ERI3: variants seen among roughly 807,000 people sequenced by gnomAD.
ERI3 encodes the protein ERI1 exoribonuclease 3.
A neutral mutation model predicts 44.4 loss-of-function variants in ERI3; 18 were observed. That is an observed-to-expected ratio of 0.41 (90% confidence interval 0.28 to 0.60). ERI3 has a LOEUF of 0.60. ERI3 is among the 20% of genes least tolerant of loss of function. The pLI is 0.36. For synonymous variants in ERI3, 183 were observed against 164.8 expected, an observed-to-expected ratio of 1.11 and a Z score of -0.84; for missense variants, 294 against 435.5, an observed-to-expected ratio of 0.68 and a Z score of 2.89.
chr1:44,309,096 C>T (rs1044041343), intron 5 of ERI3, among the ~76,000 whole-genome samples: 4 of 152,212 alleles, frequency 2.6e-5, no homozygotes, highest in African/African-American at 7.2e-5. Flanking sequence ...AAAACTGCTC[C>T]TAAACACTCT....
chr1:44,351,121 C>T (rs1371982378), intron 2 of ERI3, among the ~76,000 whole-genome samples: 6 of 151,550 alleles, frequency 4.0e-5, no homozygotes, highest in Admixed American at 3.9e-4. Context: ...GCAACCTCCG[C>T]CTTCTGGGTT....
Position 44,221,397 on chromosome 1 carries a change from A to G in ERI3, c.*161T>C. ...AGGGCCAAGTGGCCAAGCCCTTGCA[A>G]GGGCACAAGCCCACGCCAAGGGCAT... On this transcript the variant is annotated 3_prime_UTR_variant, in exon 9 of 9. Transcript: ENST00000372257. This position sits in a 1 kb window ranked among gnomAD's most constrained non-coding sequence, Gnocchi z 5.9. 4.8e-6 allele frequency: 3 copies of G among 622,800 alleles called. No homozygotes were observed. Among genetic ancestry groups the G allele is most frequent in the Non-Finnish European group, 8.4e-6 (3 of 356,940 alleles). 38.6% of individuals were successfully genotyped at this position (622,800 alleles called of 1,614,324 possible).
At chr1:44,224,204 C>T (rs947154136) in intron 8 of ERI3, among the ~76,000 whole-genome samples, 2 of 152,206 alleles carry the variant, frequency 1.3e-5, no homozygotes, top group Non-Finnish European at 2.9e-5. Context: ...TCTCTTACAG[C>T]CAAACTGATC....
intron 8 of ERI3, among the ~76,000 whole-genome samples, chr1:44,231,735 CTCTGTGG>C (rs1287410097): frequency 6.6e-6 from 1 of 152,162 alleles, no homozygotes; most frequent in African/African-American, 2.4e-5. Flanking sequence ...AGAATTAATC[CTCTGTGG>C]TCTGAGTCAT....
At chr1:44,230,864 T>C (rs920923765) in intron 8 of ERI3, among the ~76,000 whole-genome samples, 1 of 152,240 alleles carries the variant, frequency 6.6e-6, no homozygotes, top group African/African-American at 2.4e-5. Flanking sequence ...AGTCAACCTT[T>C]TAAATATCCT....
chr1:44,300,122 T>A (rs186248764), intron 6 of ERI3, among the ~76,000 whole-genome samples: 139 of 152,306 alleles, frequency 9.1e-4, no homozygotes, highest in South Asian at 3.7e-3. Context: ...GCAGCAACAC[T>A]TGCTTCTGGA....
chr1:44,249,108 C>T (rs1644619217), intron 7 of ERI3, among the ~76,000 whole-genome samples: 1 of 152,184 alleles, frequency 6.6e-6, no homozygotes, highest in African/African-American at 2.4e-5. Context: ...TAACCAAATC[C>T]TGGGCTTCTC....
chr1:44,289,598 T>C (rs1296218137), intron 6 of ERI3, among the ~76,000 whole-genome samples: 1 of 152,204 alleles, frequency 6.6e-6, no homozygotes, highest in African/African-American at 2.4e-5. Context: ...CTCACCCCTA[T>C]AAGCACACAG....
chr1:44,226,761 C>A (rs1385392983), intron 8 of ERI3, among the ~76,000 whole-genome samples: 1 of 142,738 alleles, frequency 7.0e-6, no homozygotes, highest in Non-Finnish European at 1.5e-5. Context: ...TCTTGCTTCT[C>A]TATCTCAGCA....
intron 4 of ERI3, among the ~76,000 whole-genome samples, chr1:44,316,711 T>C (rs1646094957): frequency 6.6e-6 from 1 of 152,188 alleles, no homozygotes; most frequent in South Asian, 2.1e-4. Context: ...CCTTTATAAG[T>C]ACAGGTGCAA....
At chr1:44,243,407 T>A (rs1453995136) in intron 8 of ERI3, 4 of 152,220 alleles carry the variant, frequency 2.6e-5, no homozygotes, top group Non-Finnish European at 4.4e-5. Flanking sequence ...TACTGACATT[T>A]CCTGTGCAGA....
At chr1:44,259,462 G>A (rs192896666) in intron 7 of ERI3, among the ~76,000 whole-genome samples, 6 of 151,428 alleles carry the variant, frequency 4.0e-5, no homozygotes, top group Admixed American at 3.9e-4. Context: ...CAAAGGACAC[G>A]GTAAGGGCTT....
chr1:44,232,655 AAG>A (rs1168320604), intron 8 of ERI3, among the ~76,000 whole-genome samples: 1 of 152,204 alleles, frequency 6.6e-6, no homozygotes, highest in Non-Finnish European at 1.5e-5. Context: ...AGGAAAAAGA[AAG>A]GGGGAAGACG....
At chr1:44,244,385 A>C (rs2799477) in intron 8 of ERI3, 1 of 152,654 alleles carries the variant, frequency 6.6e-6, no homozygotes, top group Non-Finnish European at 1.5e-5. Context: ...CATCACCTCC[A>C]GACCCTCCTT....
At chr1:44,296,766 C>A (rs1327624245) in intron 6 of ERI3, among the ~76,000 whole-genome samples, 1 of 152,218 alleles carries the variant, frequency 6.6e-6, no homozygotes, top group Non-Finnish European at 1.5e-5. Context: ...GCTACCTGCC[C>A]AGAGGAAGCC....
intron 4 of ERI3, among the ~76,000 whole-genome samples, chr1:44,317,030 T>A (rs1646101783): frequency 6.6e-6 from 1 of 152,200 alleles, no homozygotes; most frequent in Non-Finnish European, 1.5e-5. Context: ...AGTCTCTCTG[T>A]GTGTGCTAGA....
At chr1:44,240,126 A>G (rs1644401501) in intron 8 of ERI3, among the ~76,000 whole-genome samples, 1 of 152,230 alleles carries the variant, frequency 6.6e-6, no homozygotes, top group African/African-American at 2.4e-5. Flanking sequence ...GGGCTACACC[A>G]GCCCCTCCTT....
At chr1:44,323,290 A>T (rs745411986) in intron 3 of ERI3, among the ~76,000 whole-genome samples, 1 of 152,250 alleles carries the variant, frequency 6.6e-6, no homozygotes, top group Non-Finnish European at 1.5e-5. Context: ...GGAGAAGCAC[A>T]TGGACTATGA....
intron 7 of ERI3, among the ~76,000 whole-genome samples, chr1:44,272,919 A>G (rs570220631): frequency 2.9e-4 from 44 of 152,214 alleles, no homozygotes; most frequent in Middle Eastern, 6.8e-3. Flanking sequence ...AATTTACTAT[A>G]GTTTTTTTTT....
Sources: allele counts gnomAD v4.1 joint callset (sites outside exome capture counted in the v4.1 genomes callset), GRCh38; gene constraint gnomAD v4.1.1; non-coding constraint Gnocchi (gnomAD v3.1); transcripts MANE v1.5; gene names NCBI Gene and HGNC (gene_info 2026-07-23, HGNC 2026-07-21).